Variants in RRBP1 observed in about 807,000 individuals in gnomAD.
RRBP1 encodes ribosome-binding protein 1.
A neutral mutation model predicts 165.2 loss-of-function variants in RRBP1; 94 were observed. That is an observed-to-expected ratio of 0.57 (90% confidence interval 0.48 to 0.68). The LOEUF (loss-of-function observed/expected upper bound fraction) is 0.68, where lower values mean the gene tolerates loss of function less well. Ranked by LOEUF, RRBP1 falls within the 30% of genes least tolerant of loss-of-function variation. The probability of loss-of-function intolerance (pLI) is 0.00; values close to 1 mark genes in which losing one functional copy is unlikely to be tolerated. For synonymous variants in RRBP1, 680 were observed against 714.5 expected (o/e 0.95, Z 0.77); for missense variants, 1,676 against 1,763.0 (o/e 0.95, Z 0.88).
intron 2 of RRBP1, among the ~76,000 whole-genome samples, chr20:17,672,245 G>T (rs2122500536): frequency 6.6e-6 from 1 of 152,282 alleles, no homozygotes; most frequent in Middle Eastern, 3.4e-3. Context: ...TTCTGATGAA[G>T]AATTCAATCT....
At chr20:17,644,193 G>T (rs936930111) in intron 3 of RRBP1, among the ~76,000 whole-genome samples, 3 of 152,160 alleles carry the variant, frequency 2.0e-5, no homozygotes, top group African/African-American at 7.2e-5. Flanking sequence ...CGTGGGATGT[G>T]GGCGAGCTGG....
rs370659390 is a variant in RRBP1 at position 17,618,671 on chromosome 20, T to C, written c.3684A>G (p.Gln1228=). The C allele has an allele frequency of 1.7e-5, 28 of 1,613,686 alleles. No individual in the cohort carries two copies. The highest frequency in any genetic ancestry group is 5.0e-5 in the Admixed American group (3 of 60,024). ...NYAKEVAGLR[Q]LLLESQSQLD... ...GCTGAGATTGAGATTCTAGGAGAAGTTGCCTCAGCTTGGGGAGAAAACAGA... is the reference window on the plus strand; with the variant it reads ...GCTGAGATTGAGATTCTAGGAGAAGCTGCCTCAGCTTGGGGAGAAAACAGA... The change falls in exon 20 of 25, where the codon CAA becomes CAG. Residue 1228 remains glutamine, a synonymous_variant. Transcript: ENST00000377813.
At chr20:17,648,098 A>C (rs773130189) in intron 3 of RRBP1, among the ~76,000 whole-genome samples, 15 of 152,120 alleles carry the variant, frequency 9.9e-5, no homozygotes, top group Admixed American at 6.5e-4. Flanking sequence ...TGCTGACCCA[A>C]AGCCAAGGGC....
At chr20:17,616,455 G>A (rs2035801264) in intron 21 of RRBP1, among the ~76,000 whole-genome samples, 1 of 152,172 alleles carries the variant, frequency 6.6e-6, no homozygotes, top group Admixed American at 6.5e-5. Flanking sequence ...GCCCAGAGCT[G>A]CTCCTGAGCC....
intron 24 of RRBP1, 110 bp downstream of exon 24, chr20:17,614,627 C>T (rs933924327): frequency 4.3e-5 from 59 of 1,386,020 alleles, no homozygotes; most frequent in Middle Eastern, 5.0e-4. Flanking sequence ...CCCAGCCCAG[C>T]GCTCCCAGCA....
intron 8 of RRBP1, among the ~76,000 whole-genome samples, chr20:17,632,969 G>A (rs776068339): frequency 2.6e-5 from 4 of 152,202 alleles, no homozygotes; most frequent in Admixed American, 1.3e-4. Flanking sequence ...CAGAGGCTGC[G>A]TCCACAGCCT....
chr20:17,629,997 T>C (rs745963747), intron 8 of RRBP1, 36 bp from the exon 9 acceptor site: 3 of 1,575,890 alleles, frequency 1.9e-6, no homozygotes, highest in African/African-American at 2.7e-5. Context: ...AGTGAAGACG[T>C]GGAAGGACCA....
rs767136513 is a variant in RRBP1 at position 17,625,540 on chromosome 20, G to A, written c.3026C>T (p.Ala1009Val). 1 of 1,613,810 alleles carries A rather than the reference G, an allele frequency of 6.2e-7. No homozygotes were observed. Among genetic ancestry groups the A allele is most frequent in the Admixed American group, 1.7e-5 (1 of 60,000 alleles). Residue 1009 changes from alanine to valine, a missense_variant, in exon 12 of 25, where the codon GCC (alanine) becomes GTC (valine). Ala to Val is a moderately conservative substitution (Grantham distance 64, BLOSUM62 0). Coordinates refer to ENST00000377813, the MANE Select transcript of RRBP1 (RefSeq NM_001365613.2). ...LEKEAIELRE[A>V]VEQQKVKNND... ...GTTCTTCACTTTCTGCTGCTCGACG[G>A]CCTCCCTGAGCTCGATGGCCTCCTT...
intron 16 of RRBP1, 56 bp from the exon 17 acceptor site, chr20:17,620,863 C>T (rs1236866594): frequency 6.2e-6 from 8 of 1,284,816 alleles, no homozygotes; most frequent in Non-Finnish European, 7.6e-6. Flanking sequence ...CCGCACCACA[C>T]AACCGCATCT....
chr20:17,674,610 C>CA (rs2037040056), intron 2 of RRBP1, among the ~76,000 whole-genome samples: 1 of 151,724 alleles, frequency 6.6e-6, no homozygotes, highest in South Asian at 2.1e-4. Flanking sequence ...AAAAAAAATA[C>CA]AAAAAAATAG....
At chr20:17,625,650 C>T (rs1428489457) in intron 11 of RRBP1, 48 bp from the exon 12 acceptor site, 11 of 1,506,128 alleles carry the variant, frequency 7.3e-6, no homozygotes, top group Non-Finnish European at 9.2e-6. Context: ...GGGGCTACAG[C>T]CCCTACAGAT....
chr20:17,641,734 T>A, intron 5 of RRBP1, 63 bp downstream of exon 5: 2 of 1,592,302 alleles, frequency 1.3e-6, no homozygotes, highest in Non-Finnish European at 1.7e-6. Flanking sequence ...CCACCGTGGA[T>A]GGGGCGGGGG....
At chr20:17,646,736 T>G (rs1185510212) in intron 3 of RRBP1, among the ~76,000 whole-genome samples, 6 of 152,172 alleles carry the variant, frequency 3.9e-5, no homozygotes, top group Non-Finnish European at 7.3e-5. Context: ...CTCAGGCACC[T>G]AAAATTAAAC....
At chr20:17,655,049 A>G (rs1443523005) in intron 3 of RRBP1, among the ~76,000 whole-genome samples, 1 of 152,246 alleles carries the variant, frequency 6.6e-6, no homozygotes, top group Non-Finnish European at 1.5e-5. Flanking sequence ...TTTTAATAGG[A>G]AATTCTTTGC....
At chr20:17,654,536 G>T (rs1403960689) in intron 3 of RRBP1, among the ~76,000 whole-genome samples, 1 of 152,210 alleles carries the variant, frequency 6.6e-6, no homozygotes, top group Non-Finnish European at 1.5e-5. Flanking sequence ...TCAATCACGT[G>T]TGTGTTTGCT....
At chr20:17,627,214 G>C in intron 11 of RRBP1, 134 bp downstream of exon 11, 1 of 818,792 alleles carries the variant, frequency 1.2e-6, no homozygotes, top group South Asian at 1.8e-5. Context: ...GAGGATGGGG[G>C]AGGGAAGGGA....
At chr20:17,626,323 A>C (rs146838749) in intron 11 of RRBP1, among the ~76,000 whole-genome samples, 286 of 152,320 alleles carry the variant, frequency 1.9e-3, no homozygotes, top group Admixed American at 0.01. Context: ...ACCCCAACAA[A>C]CACCACCAGG....
intron 2 of RRBP1, among the ~76,000 whole-genome samples, chr20:17,672,527 C>A (rs2036997027): frequency 6.6e-6 from 1 of 152,180 alleles, no homozygotes; most frequent in African/African-American, 2.4e-5. Context: ...TTAGAATCAG[C>A]CACTTTATAA....
Position 17,643,014 on chromosome 20 carries a change from C to T in RRBP1, c.2026G>A (p.Glu676Lys), listed in dbSNP as rs1255834313. The change falls in exon 4 of 25, where the codon GAG becomes AAG. Residue 676 changes from glutamate (E) to lysine (K), a missense_variant. Physicochemically the swap from Glu to Lys is moderately conservative, Grantham distance 56. This residue lies in a region of RRBP1 where 1,184 missense variants were observed against 1,167.1 expected (regional missense o/e 1.01). Coordinates refer to ENST00000377813, the MANE Select transcript of RRBP1 (RefSeq NM_001365613.2). The surrounding 1 kb of genome is among the most constrained non-coding windows in gnomAD (Gnocchi z 4.3). ...GTGTCCTGAATGATGCCAGCCTTCT[C>T]AGACAGGATCTCGATGAGCCGCTGG... ...EAQRLIEILS[E>K]KAGIIQDTWH... 1 of 1,614,076 alleles carries T rather than the reference C, an allele frequency of 6.2e-7. No individual in the cohort carries two copies. The highest frequency in any genetic ancestry group is 1.1e-5 in the South Asian group (1 of 91,070).
Sources: allele counts gnomAD v4.1 joint callset (sites outside exome capture counted in the v4.1 genomes callset), GRCh38; gene constraint gnomAD v4.1.1; regional missense constraint gnomAD v4.1.1; non-coding constraint Gnocchi (gnomAD v3.1); transcripts MANE v1.5; gene names NCBI Gene and HGNC (gene_info 2026-07-23, HGNC 2026-07-21).